GRM5: variants seen among roughly 807,000 people sequenced by gnomAD.
GRM5 encodes the protein metabotropic glutamate receptor 5.
In GRM5, 19 loss-of-function variants were observed where a neutral mutation model predicts 83.1. That is an observed-to-expected ratio of 0.23 (90% confidence interval 0.16 to 0.34). The LOEUF (loss-of-function observed/expected upper bound fraction) is 0.34, where lower values mean the gene tolerates loss of function less well. GRM5 is among the 10% of genes least tolerant of loss of function. GRM5 has a pLI of 1.00. For synonymous variants in GRM5, 675 were observed against 633.6 expected, an observed-to-expected ratio of 1.07 and a Z score of -0.98; for missense variants, 1,160 against 1,588.3, an observed-to-expected ratio of 0.73 and a Z score of 4.58.
chr11:89,059,142 AC>A (rs1286686773), intron 1 of GRM5, among the ~76,000 whole-genome samples: 1 of 152,102 alleles, frequency 6.6e-6, no homozygotes, highest in Non-Finnish European at 1.5e-5. Context: ...AAATTTTAAA[AC>A]CCATGGCCTG....
chr11:88,901,233 GATA>G (rs1945310551), intron 2 of GRM5, among the ~76,000 whole-genome samples: 1 of 152,110 alleles, frequency 6.6e-6, no homozygotes, highest in African/African-American at 2.4e-5. Flanking sequence ...GTTTGGGGTG[GATA>G]ATAATAATAA....
intron 2 of GRM5, among the ~76,000 whole-genome samples, chr11:88,926,482 G>A (rs1448970267): frequency 6.6e-6 from 1 of 152,072 alleles, no homozygotes. Context: ...TATATCTACT[G>A]ATGGTGTTCA....
chr11:88,608,081 A>C (rs142893324), intron 4 of GRM5, among the ~76,000 whole-genome samples: 11 of 152,254 alleles, frequency 7.2e-5, no homozygotes, highest in East Asian at 3.9e-4. Context: ...AGTGGGTTAC[A>C]TGCAATTGAG....
At chr11:89,008,408 C>A (rs182565422) in intron 2 of GRM5, among the ~76,000 whole-genome samples, 14 of 152,174 alleles carry the variant, frequency 9.2e-5, no homozygotes, top group South Asian at 8.3e-4. Context: ...TGTAAATAGA[C>A]AAGGACTATT....
intron 3 of GRM5, among the ~76,000 whole-genome samples, chr11:88,663,983 A>G (rs1012386495): frequency 6.6e-6 from 1 of 152,150 alleles, no homozygotes; most frequent in African/African-American, 2.4e-5. Context: ...TTTCAAATCT[A>G]TATTTTCCTC....
chr11:89,062,787 T>C (rs1176294563), intron 1 of GRM5, among the ~76,000 whole-genome samples: 2 of 152,244 alleles, frequency 1.3e-5, no homozygotes, highest in Admixed American at 6.5e-5. Context: ...CTAATGCACG[T>C]TGGGCTCGGG....
intron 2 of GRM5, among the ~76,000 whole-genome samples, chr11:88,883,982 C>T (rs778529018): frequency 2.0e-5 from 3 of 152,146 alleles, no homozygotes; most frequent in Admixed American, 1.3e-4. Flanking sequence ...ACCTCTGCTA[C>T]AGCACTATGG....
intron 3 of GRM5, among the ~76,000 whole-genome samples, chr11:88,814,970 T>A (rs1943645931): frequency 6.6e-6 from 1 of 152,020 alleles, no homozygotes; most frequent in African/African-American, 2.4e-5. Flanking sequence ...TAAAAAGAAT[T>A]CACAAGCACA....
intron 3 of GRM5, among the ~76,000 whole-genome samples, chr11:88,689,640 A>G (rs960069255): frequency 1.3e-5 from 2 of 152,060 alleles, no homozygotes; most frequent in African/African-American, 2.4e-5. Context: ...TTTCCCTTTC[A>G]TCCGGATTCA....
intron 4 of GRM5, among the ~76,000 whole-genome samples, chr11:88,626,024 T>A (rs1178257648): frequency 1.2e-5 from 1 of 83,668 alleles, no homozygotes; most frequent in Non-Finnish European, 1.8e-5. Context: ...ACTAGCTTAT[T>A]TTTTTTTTAC....
chr11:88,691,589 GCCA>G (rs1940782220), intron 3 of GRM5, among the ~76,000 whole-genome samples: 1 of 152,040 alleles, frequency 6.6e-6, no homozygotes, highest in Non-Finnish European at 1.5e-5. Context: ...TCTGCTCTCT[GCCA>G]TCTGGGTATT....
At chr11:88,757,326 T>G (rs1007810493) in intron 3 of GRM5, among the ~76,000 whole-genome samples, 4 of 152,188 alleles carry the variant, frequency 2.6e-5, no homozygotes, top group African/African-American at 7.2e-5. Flanking sequence ...CTAGCACATG[T>G]GTGCATGTGC....
chr11:88,851,771 G>T (rs1443226763), intron 2 of GRM5, among the ~76,000 whole-genome samples: 3 of 152,186 alleles, frequency 2.0e-5, no homozygotes, highest in Admixed American at 1.3e-4. Context: ...AGCAGAGCAG[G>T]TCAGCTTGAA....
intron 4 of GRM5, among the ~76,000 whole-genome samples, chr11:88,652,719 A>T (rs2135305693): frequency 6.6e-6 from 1 of 152,172 alleles, no homozygotes; most frequent in South Asian, 2.1e-4. Context: ...TGGTTTATTG[A>T]TGGAAGTAGC....
Position 88,508,627 on chromosome 11 carries a change from T to C in GRM5, c.3604A>G (p.Ile1202Val). 9.3e-6 allele frequency: 15 copies of C among 1,610,478 alleles called. No homozygotes were observed. The highest frequency in any genetic ancestry group is 1.7e-5 in the Admixed American group (1 of 59,896). The change falls in exon 10 of 10, where the codon ATA becomes GTA. Residue 1202 changes from isoleucine (I) to valine (V), a missense_variant. Coordinates refer to ENST00000305447, the MANE Select transcript of GRM5 (RefSeq NM_001143831.3). This position sits in a 1 kb window ranked among gnomAD's most constrained non-coding sequence, Gnocchi z 4.2. Reference protein sequence around the residue: ...PSSPKYDTLIIRDYTQSSSSL With the variant: ...PSSPKYDTLIVRDYTQSSSSL ...GAGGAGCTCTGAGTGTAATCTCTTA[T>C]GATAAGAGTGTCATATTTGGGAGAC...
intron 4 of GRM5, among the ~76,000 whole-genome samples, chr11:88,627,365 A>G (rs74470702): frequency 4.6e-5 from 1 of 21,680 alleles, no homozygotes; most frequent in Non-Finnish European, 9.6e-4. Flanking sequence ...TTACCCTATA[A>G]TTTCTTTGTG....
At chr11:88,868,386 T>C (rs1358009919) in intron 2 of GRM5, among the ~76,000 whole-genome samples, 3 of 151,840 alleles carry the variant, frequency 2.0e-5, no homozygotes, top group African/African-American at 7.2e-5. Flanking sequence ...TTCTCATCTA[T>C]AACATTTTCA....
chr11:88,748,976 C>T (rs1942202987), intron 3 of GRM5, among the ~76,000 whole-genome samples: 1 of 152,054 alleles, frequency 6.6e-6, no homozygotes, highest in Non-Finnish European at 1.5e-5. Flanking sequence ...TAGATCAGCC[C>T]ACAAAGATGA....
At chr11:88,847,419 G>C (rs538672258) in intron 3 of GRM5, among the ~76,000 whole-genome samples, 3 of 152,292 alleles carry the variant, frequency 2.0e-5, no homozygotes, top group Admixed American at 1.3e-4. Flanking sequence ...TTGGCACAAA[G>C]TATTTGATAA....
Sources: gnomAD v4.1 joint callset for allele counts (sites outside exome capture counted in the v4.1 genomes callset) on GRCh38, gnomAD v4.1.1 for gene constraint, Gnocchi (gnomAD v3.1) non-coding constraint, MANE v1.5 for transcripts, NCBI Gene and HGNC (gene_info 2026-07-23, HGNC 2026-07-21) for gene names.